The following CFAP54 variants were observed in gnomAD, a reference collection of about 807,000 sequenced individuals.
CFAP54 encodes the protein cilia and flagella associated protein 54, also known as cilia- and flagella-associated protein 54.
Under a neutral mutation model 370.4 loss-of-function variants are expected in CFAP54, and 290 were observed. That is an observed-to-expected ratio of 0.78 (90% CI 0.71 to 0.86). The LOEUF (loss-of-function observed/expected upper bound fraction) is 0.86, where lower values mean the gene tolerates loss of function less well. Ranked by LOEUF, CFAP54 falls within the 40% of genes least tolerant of loss-of-function variation. CFAP54 has a pLI of 0.00. For missense variants in CFAP54, 3,399 were observed against 3,528.7 expected (o/e 0.96, Z 0.93); for synonymous variants, 1,206 against 1,236.5 (o/e 0.98, Z 0.52).
chr12:96,848,351 G>A (rs752235558), intron 66 of CFAP54, among the ~76,000 whole-genome samples: 63 of 152,156 alleles, frequency 4.1e-4, no homozygotes, highest in African/African-American at 1.4e-3. Context: ...CGTTACAGGC[G>A]TGAGCCACCG....
chr12:96,611,951 C>A (rs1461959219), intron 26 of CFAP54, among the ~76,000 whole-genome samples: 3 of 152,172 alleles, frequency 2.0e-5, no homozygotes, highest in African/African-American at 7.2e-5. Context: ...GAGAATGGAA[C>A]CAGGTTGGAA....
intron 15 of CFAP54, among the ~76,000 whole-genome samples, chr12:96,551,482 G>GGT (rs1420792545): frequency 8.2e-4 from 81 of 98,456 alleles, no homozygotes; most frequent in African/African-American, 2.9e-3. Context: ...TTCTTGAATG[G>GGT]GTATGTGTGT....
chr12:96,847,734 A>T (rs1935036385), intron 66 of CFAP54, among the ~76,000 whole-genome samples: 1 of 152,202 alleles, frequency 6.6e-6, no homozygotes, highest in Admixed American at 6.5e-5. Context: ...GAGAAGGGAG[A>T]CAGAACCCCT....
intron 65 of CFAP54, among the ~76,000 whole-genome samples, chr12:96,819,501 A>G (rs114355466): frequency 0.012 from 1,782 of 152,296 alleles, 43 homozygotes; most frequent in African/African-American, 0.041. Flanking sequence ...ATTTTAGACA[A>G]TATATTGATT....
At chr12:96,533,192 C>T (rs1054547716) in intron 9 of CFAP54, among the ~76,000 whole-genome samples, 1 of 151,846 alleles carries the variant, frequency 6.6e-6, no homozygotes, top group Non-Finnish European at 1.5e-5. Flanking sequence ...ACTCAAACTT[C>T]TGAGCTCAAG....
intron 60 of CFAP54, among the ~76,000 whole-genome samples, chr12:96,774,458 G>C (rs995164400): frequency 1.3e-5 from 2 of 152,072 alleles, no homozygotes; most frequent in Non-Finnish European, 2.9e-5. Context: ...TTTCCAGATG[G>C]CTACCCCATT....
chr12:96,623,542 A>C (rs1956522860), intron 27 of CFAP54, among the ~76,000 whole-genome samples: 2 of 152,178 alleles, frequency 1.3e-5, no homozygotes, highest in Non-Finnish European at 2.9e-5. Context: ...GAGAGAAAAG[A>C]AGCAGCATTT....
intron 48 of CFAP54, 62 bp downstream of exon 48, chr12:96,708,865 C>T: frequency 7.7e-7 from 1 of 1,290,538 alleles, no homozygotes; most frequent in Non-Finnish European, 1.1e-6. Context: ...GTTCTCCCAG[C>T]CCCCACTAAT....
chr12:96,831,447 A>G (rs930100396), intron 66 of CFAP54, among the ~76,000 whole-genome samples: 1 of 152,208 alleles, frequency 6.6e-6, no homozygotes, highest in Non-Finnish European at 1.5e-5. Context: ...CTTATGATCT[A>G]TAGTTGCTTT....
intron 66 of CFAP54, among the ~76,000 whole-genome samples, chr12:96,832,156 C>T (rs991626749): frequency 6.6e-6 from 1 of 152,080 alleles, no homozygotes; most frequent in African/African-American, 2.4e-5. Context: ...TGAGCTCTCT[C>T]TCTTTGCCTG....
At chr12:96,595,897 C>T (rs703698) in intron 25 of CFAP54, among the ~76,000 whole-genome samples, 104,674 of 151,998 alleles carry the variant, frequency 0.69, 36,188 homozygotes, top group African/African-American at 0.71. Flanking sequence ...GCCCTCTGAA[C>T]CTTCATTGAG....
At chr12:96,593,031 T>A (rs1011065334) in intron 24 of CFAP54, among the ~76,000 whole-genome samples, 7 of 152,202 alleles carry the variant, frequency 4.6e-5, no homozygotes, top group African/African-American at 1.7e-4. Flanking sequence ...GGGATTATGA[T>A]CTACTTGCTA....
rs1366316096 is a variant in CFAP54 at position 96,756,470 on chromosome 12, G to A, written c.7853G>A (p.Arg2618His). ...EILFQKGKIE[R>H]QILMEEKSPS... is the part of the protein sequence containing the mutation. ...TTTCTTCTTTCAGGCAAAATAGAAC[G>A]TCAAATACTAATGGAAGAGAAATCT... The change falls in exon 57 of 68, where the codon CGT (arginine) becomes CAT (histidine). Residue 2618 changes from arginine (R) to histidine (H), a missense_variant. Coordinates refer to ENST00000524981, the MANE Select transcript of CFAP54 (RefSeq NM_001306084.2). The A allele has an allele frequency of 3.8e-6, 6 of 1,593,500 alleles. No individual in the cohort carries two copies. The African/African-American group carries it at 5.4e-5, about 14-fold the overall frequency.
chr12:96,835,513 G>T (rs1959183309), intron 66 of CFAP54, among the ~76,000 whole-genome samples: 1 of 152,088 alleles, frequency 6.6e-6, no homozygotes. Context: ...GCCCCCTTCT[G>T]CCCAGGAACC....
chr12:96,640,802 C>T (rs563883647), intron 32 of CFAP54, among the ~76,000 whole-genome samples: 1 of 152,178 alleles, frequency 6.6e-6, no homozygotes, highest in Admixed American at 6.5e-5. Flanking sequence ...CTTTGACAAA[C>T]CTGAGAAAAA....
intron 53 of CFAP54, 53 bp from the exon 54 acceptor site, chr12:96,743,678 G>A (rs1202665272): frequency 1.3e-5 from 21 of 1,557,282 alleles, no homozygotes; most frequent in South Asian, 3.5e-5. Flanking sequence ...TCCAGCTCTT[G>A]TTTCAGTGAA....
intron 15 of CFAP54, among the ~76,000 whole-genome samples, chr12:96,549,516 A>G (rs1025198103): frequency 1.3e-5 from 2 of 152,212 alleles, no homozygotes; most frequent in African/African-American, 2.4e-5. Flanking sequence ...AAGTTATGCA[A>G]TACACAATCT....
chr12:96,493,669 G>A (rs939173183), intron 1 of CFAP54, among the ~76,000 whole-genome samples: 2 of 152,060 alleles, frequency 1.3e-5, no homozygotes, highest in African/African-American at 4.8e-5. Flanking sequence ...GTGGTGGTGG[G>A]CGCCTGTAAT....
intron 26 of CFAP54, among the ~76,000 whole-genome samples, chr12:96,601,913 G>A (rs1191847349): frequency 1.3e-5 from 2 of 152,024 alleles, no homozygotes; most frequent in East Asian, 1.9e-4. Flanking sequence ...ACGAGCTCCT[G>A]GATTCATTGA....
Sources: gnomAD v4.1 joint callset for allele counts (sites outside exome capture counted in the v4.1 genomes callset) on GRCh38, gnomAD v4.1.1 for gene constraint, MANE v1.5 for transcripts, NCBI Gene and HGNC (gene_info 2026-07-23, HGNC 2026-07-21) for gene names.